The following EYS variants were observed in gnomAD, a reference collection of about 807,000 sequenced individuals.
EYS encodes EGF-like photoreceptor maintenance factor.
In EYS, 250 loss-of-function variants were observed where a neutral mutation model predicts 282.1. That is an observed-to-expected ratio of 0.89 (90% CI 0.80 to 0.98). The LOEUF (loss-of-function observed/expected upper bound fraction) is 0.98, where lower values mean the gene tolerates loss of function less well. Among genes scored for constraint, EYS ranks in the 50% least tolerant of loss-of-function variants. The probability of loss-of-function intolerance (pLI) is 0.00; values close to 1 mark genes in which losing one functional copy is unlikely to be tolerated. For missense variants in EYS, 4,016 were observed against 3,709.0 expected (o/e 1.08, Z -2.15); for synonymous variants, 1,355 against 1,282.9 (o/e 1.06, Z -1.20).
intron 12 of EYS, among the ~76,000 whole-genome samples, chr6:65,123,066 C>T (rs1415050795): frequency 6.6e-6 from 1 of 151,984 alleles, no homozygotes; most frequent in African/African-American, 2.4e-5. Context: ...ATATAAAGCT[C>T]ATATAAATAA....
chr6:63,913,519 G>A (rs892630074), intron 35 of EYS, among the ~76,000 whole-genome samples: 1 of 152,026 alleles, frequency 6.6e-6, no homozygotes, highest in African/African-American at 2.4e-5. Flanking sequence ...CTTAGTTTTA[G>A]GCAACTACTC....
chr6:65,098,141 C>A (rs974312458), intron 12 of EYS, among the ~76,000 whole-genome samples: 1 of 150,528 alleles, frequency 6.6e-6, no homozygotes, highest in African/African-American at 2.4e-5. Context: ...AAAAAAGATT[C>A]TAAGGAAGAG....
chr6:65,534,497 C>T (rs1173904690), intron 2 of EYS, among the ~76,000 whole-genome samples: 1 of 151,970 alleles, frequency 6.6e-6, no homozygotes, highest in African/African-American at 2.4e-5. Context: ...GAGCTCTGAC[C>T]CACCTCTGCA....
Position 65,362,786 on chromosome 6 carries a change from A to G in EYS, c.1300-9169T>C, listed in dbSNP as rs1248961401. 3.9e-5 allele frequency among the ~76,000 whole-genome samples: 6 copies of G among 152,134 alleles called. No individual in the cohort carries two copies. In the East Asian group the frequency reaches 1.2e-3, roughly 29 times the overall value. ...ACAAAGTGTAATATTCTCCAGTGCT[A>G]TACTGTTCTCTGATTCTGATGTATT... On this transcript the variant is annotated intron_variant, in intron 8 of 42. Coordinates refer to ENST00000503581, the MANE Select transcript of EYS (RefSeq NM_001142800.2).
At chr6:64,653,222 G>A (rs1768627019) in intron 22 of EYS, among the ~76,000 whole-genome samples, 1 of 152,052 alleles carries the variant, frequency 6.6e-6, no homozygotes. Context: ...CTACTAGAGA[G>A]GAAAGGAGCT....
At chr6:64,740,487 C>G (rs185001304) in intron 22 of EYS, among the ~76,000 whole-genome samples, 1 of 152,150 alleles carries the variant, frequency 6.6e-6, no homozygotes, top group East Asian at 1.9e-4. Flanking sequence ...TAATGCTAAT[C>G]TTTATTTTAG....
At position 64,178,340 on chromosome 6, in the gene EYS, C is replaced by A. The variant is rs560671379; in HGVS notation, c.6424+52252G>T. On this transcript the variant is annotated intron_variant, in intron 31 of 42. Transcript: ENST00000503581. ...CATCTTTGAATTTAACTGTACCAGG[C>A]CCTTTCCTTGGTTTAGTTATATGAA... 3.9e-5 allele frequency among the ~76,000 whole-genome samples: 6 copies of A among 152,162 alleles called. No homozygotes were observed. The East Asian group carries it at 1.2e-3, about 29-fold the overall frequency.
chr6:64,354,550 T>G (rs1435179326), intron 29 of EYS, among the ~76,000 whole-genome samples: 1 of 151,586 alleles, frequency 6.6e-6, no homozygotes, highest in Non-Finnish European at 1.5e-5. Context: ...GATATAAGCA[T>G]CTGGAAAAAT....
At chr6:64,921,473 T>C (rs1357276863) in intron 15 of EYS, among the ~76,000 whole-genome samples, 1 of 152,160 alleles carries the variant, frequency 6.6e-6, no homozygotes, top group Non-Finnish European at 1.5e-5. Context: ...AAATAATTAT[T>C]TTTTAAAATG....
In EYS at chr6:64,013,217, C is replaced by G. The variant is rs528438732; in HGVS notation, c.6726-14034G>C. Among the ~76,000 whole-genome samples the G allele has an allele frequency of 1.2e-4, 18 of 152,244 alleles. No individual in the cohort carries two copies. In the East Asian group the frequency reaches 3.3e-3, roughly 28 times the overall value. ...CAAGGGAACATACAACCAGCCATCA[C>G]GAGATACTGGAGATTTTCCAAGAAC... On this transcript the variant is annotated intron_variant, in intron 33 of 42. Transcript: ENST00000503581.
intron 28 of EYS, among the ~76,000 whole-genome samples, chr6:64,427,365 G>A (rs912909111): frequency 7.2e-5 from 11 of 152,022 alleles, no homozygotes; most frequent in African/African-American, 2.4e-4. Context: ...GTCAACTTGG[G>A]GAGAGACTGA....
chr6:65,670,747 T>C (rs961479021), intron 1 of EYS, among the ~76,000 whole-genome samples: 2 of 152,236 alleles, frequency 1.3e-5, no homozygotes, highest in Admixed American at 1.3e-4. Flanking sequence ...CCATTTCAAA[T>C]GATCAGTTTA....
At chr6:63,898,141 G>A (rs567458526) in intron 35 of EYS, among the ~76,000 whole-genome samples, 3 of 152,272 alleles carry the variant, frequency 2.0e-5, no homozygotes, top group Non-Finnish European at 2.9e-5. Flanking sequence ...AACGATTTCT[G>A]TAGTGATATT....
intron 22 of EYS, among the ~76,000 whole-genome samples, chr6:64,721,930 T>C (rs139134958): frequency 6.1e-4 from 93 of 152,298 alleles, no homozygotes; most frequent in African/African-American, 2.1e-3. Context: ...TCCTAGAGTC[T>C]AACACCCAGT....
chr6:64,258,620 A>C, intron 30 of EYS, among the ~76,000 whole-genome samples: 1 of 152,106 alleles, frequency 6.6e-6, no homozygotes. Context: ...CATAGTTATC[A>C]CACAAAATAA....
At chr6:65,139,907 C>G (rs1298160218) in intron 12 of EYS, among the ~76,000 whole-genome samples, 1 of 152,126 alleles carries the variant, frequency 6.6e-6, no homozygotes, top group African/African-American at 2.4e-5. Context: ...ACTCACTTCC[C>G]CCACCAGCAG....
chr6:64,709,613 T>C (rs1236139419), intron 22 of EYS, among the ~76,000 whole-genome samples: 1 of 152,146 alleles, frequency 6.6e-6, no homozygotes, highest in African/African-American at 2.4e-5. Flanking sequence ...CTTGAAGCAA[T>C]GAAGGCAATA....
chr6:65,399,564 C>T (rs13191349), intron 7 of EYS, among the ~76,000 whole-genome samples: 1 of 151,944 alleles, frequency 6.6e-6, no homozygotes, highest in Admixed American at 6.6e-5. Flanking sequence ...AGCAATATTA[C>T]AGAAATATTT....
chr6:63,744,946 C>T (rs1226974810), intron 41 of EYS: 2 of 415,886 alleles, frequency 4.8e-6, no homozygotes, highest in East Asian at 7.9e-5. Context: ...CATGATTTAC[C>T]TCATCTCCAT....
Sources: gnomAD v4.1 joint callset for allele counts (sites outside exome capture counted in the v4.1 genomes callset) on GRCh38, gnomAD v4.1.1 for gene constraint, MANE v1.5 for transcripts, NCBI Gene and HGNC (gene_info 2026-07-23, HGNC 2026-07-21) for gene names.